The following TRPV4 variants were observed in gnomAD, a reference collection of about 807,000 sequenced individuals.
TRPV4 encodes the protein transient receptor potential cation channel subfamily V member 4, also known as OSM9-like transient receptor potential channel 4.
A neutral mutation model predicts 84.1 loss-of-function variants in TRPV4; 58 were observed. That is an observed-to-expected ratio of 0.69 (90% CI 0.56 to 0.86). The LOEUF (loss-of-function observed/expected upper bound fraction) is 0.86, where lower values mean the gene tolerates loss of function less well. Among genes scored for constraint, TRPV4 ranks in the 40% least tolerant of loss-of-function variants. The pLI is 0.00. For synonymous variants in TRPV4, 489 were observed against 500.9 expected (o/e 0.98, Z 0.32); for missense variants, 879 against 1,181.1 (o/e 0.74, Z 3.75).
In TRPV4 at chr12:109,802,993, C is replaced by A. The variant is rs1289139464; in HGVS notation, c.710G>T (p.Arg237Leu). 6.2e-7 allele frequency: 1 copy of A among 1,613,884 alleles called. No individual in the cohort carries two copies. The highest frequency in any genetic ancestry group is 1.1e-5 in the South Asian group (1 of 91,082). Residue 237 changes from arginine to leucine, a missense_variant and splice_region_variant, in exon 4 of 16, where the codon CGA becomes CTA. Transcript: ENST00000261740. ...INSPFRDIYYRGQTALHIAIE... is the reference protein window; with the variant it reads ...INSPFRDIYYLGQTALHIAIE... ...CCCTGCCCAGCCCGGGGCCCCACCT[C>A]GATAGTAGATGTCACGGAAGGGCGA...
chr12:109,827,176 C>A (rs1892273917), intron 1 of TRPV4, among the ~76,000 whole-genome samples: 1 of 152,170 alleles, frequency 6.6e-6, no homozygotes, highest in Admixed American at 6.5e-5. Flanking sequence ...TTACGGAGCA[C>A]CTGCTATGTG....
intron 13 of TRPV4, among the ~76,000 whole-genome samples, chr12:109,787,737 A>G (rs1889776443): frequency 6.6e-6 from 1 of 152,006 alleles, no homozygotes; most frequent in African/African-American, 2.4e-5. Flanking sequence ...TCACTGCACC[A>G]TTTTCCTGAA....
In TRPV4 at chr12:109,793,460, G is replaced by A. The variant is rs1890166971; in HGVS notation, c.1658+67C>T. The A allele has an allele frequency of 1.5e-6, 2 of 1,357,906 alleles. No homozygotes were observed. Among genetic ancestry groups the A allele is most frequent in the African/African-American group, 1.4e-5 (1 of 69,672 alleles). The allele number at this position is 1,357,906 out of a possible 1,614,324, so 84.1% of individuals were successfully genotyped here. ...ACAGAATCACCTCTCTCCTGAATCT[G>A]GACGACCTAGCAGCCCAAACCCACC... On this transcript the variant is annotated intron_variant, in intron 10 of 15. Coordinates refer to ENST00000261740, the MANE Select transcript of TRPV4 (RefSeq NM_021625.5). The surrounding 1 kb of genome is among the most constrained non-coding windows in gnomAD (Gnocchi z 4.0).
chr12:109,783,431 G>A lies in TRPV4; in HGVS notation c.*190C>T, dbSNP rs141636597. ...CTCCATAGGAGCAAGACAGGTGGCC[G>A]GGAGCCCCCACCCCAGGGTGGGGAG... On this transcript the variant is annotated 3_prime_UTR_variant, in exon 16 of 16. Transcript: ENST00000261740. This position sits in a 1 kb window ranked among gnomAD's most constrained non-coding sequence, Gnocchi z 4.6. The A allele has an allele frequency of 6.0e-4, 418 of 692,592 alleles. 1 individual carries two copies. Among genetic ancestry groups the A allele is most frequent in the Admixed American group, 1.8e-3 (59 of 32,510 alleles). 42.9% of individuals were successfully genotyped at this position (692,592 alleles called of 1,614,324 possible).
chr12:109,789,392 C>T (rs576628331), intron 12 of TRPV4, among the ~76,000 whole-genome samples: 48 of 152,232 alleles, frequency 3.2e-4, no homozygotes, highest in African/African-American at 1.1e-3. Context: ...GTCTTGGGGG[C>T]TCTGGAATGC....
At chr12:109,827,996 C>T (rs1284036350) in intron 1 of TRPV4, among the ~76,000 whole-genome samples, 1 of 152,226 alleles carries the variant, frequency 6.6e-6, no homozygotes, top group African/African-American at 2.4e-5. Flanking sequence ...CTCGGTCAAC[C>T]GGGTGGAACC....
chr12:109,816,311 G>C (rs1440857751), intron 1 of TRPV4, among the ~76,000 whole-genome samples: 1 of 152,120 alleles, frequency 6.6e-6, no homozygotes, highest in East Asian at 1.9e-4. Flanking sequence ...TCAGGCCTGG[G>C]TTCTAATCCC....
In TRPV4 at chr12:109,796,107, A is replaced by G. The variant is rs1407655602; in HGVS notation, c.1332+418T>C. Reference sequence around the variant, plus strand: ...TCATATAACAACCATGAGTAGTAAAAGCTGACATAATGTTTACTCTGTGCC... The same window carrying G: ...TCATATAACAACCATGAGTAGTAAAGGCTGACATAATGTTTACTCTGTGCC... On this transcript the variant is annotated intron_variant, in intron 7 of 15. Transcript: ENST00000261740. This position sits in a 1 kb window ranked among gnomAD's most constrained non-coding sequence, Gnocchi z 4.2. Among the ~76,000 whole-genome samples the G allele has an allele frequency of 1.3e-5, 2 of 152,102 alleles. No homozygotes were observed. Among genetic ancestry groups the G allele is most frequent in the Non-Finnish European group, 2.9e-5 (2 of 68,006 alleles).
At chr12:109,800,004 G>T (rs1382334479) in intron 5 of TRPV4, among the ~76,000 whole-genome samples, 1 of 151,934 alleles carries the variant, frequency 6.6e-6, no homozygotes, top group Non-Finnish European at 1.5e-5. Context: ...GTGCAATGGG[G>T]AAATCTCGGC....
chr12:109,802,051 G>T (rs1353637836), intron 4 of TRPV4, among the ~76,000 whole-genome samples: 1 of 151,766 alleles, frequency 6.6e-6, no homozygotes, highest in Non-Finnish European at 1.5e-5. Flanking sequence ...GAGCCTTAGA[G>T]TATCCGCCAC....
chr12:109,792,234 A>T, intron 12 of TRPV4, 129 bp downstream of exon 12: 2 of 794,406 alleles, frequency 2.5e-6, no homozygotes, highest in Non-Finnish European at 3.9e-6. Flanking sequence ...CAGGAGCAAA[A>T]CTCCACCTCA....
At chr12:109,805,317 C>A (rs1258439046) in intron 3 of TRPV4, among the ~76,000 whole-genome samples, 2 of 152,142 alleles carry the variant, frequency 1.3e-5, no homozygotes, top group African/African-American at 4.8e-5. Flanking sequence ...ATAGGTGACC[C>A]AAAGTGGAAC....
At chr12:109,788,851 T>C in intron 12 of TRPV4, 135 bp from the exon 13 acceptor site, 3 of 995,226 alleles carry the variant, frequency 3.0e-6, no homozygotes, top group Non-Finnish European at 4.5e-6. Flanking sequence ...CTGACCCATG[T>C]CACCCTACAC....
intron 1 of TRPV4, among the ~76,000 whole-genome samples, chr12:109,827,812 A>G (rs1892307267): frequency 6.6e-6 from 1 of 151,722 alleles, no homozygotes; most frequent in African/African-American, 2.4e-5. Context: ...TCATACATAT[A>G]CACACATACA....
intron 2 of TRPV4, among the ~76,000 whole-genome samples, chr12:109,810,821 G>A (rs1288332573): frequency 6.6e-6 from 1 of 152,142 alleles, no homozygotes; most frequent in Non-Finnish European, 1.5e-5. Flanking sequence ...ACTTCCTGGG[G>A]TAGGGGTGGG....
intron 1 of TRPV4, among the ~76,000 whole-genome samples, chr12:109,816,219 A>G (rs778763467): frequency 1.1e-4 from 17 of 152,202 alleles, no homozygotes; most frequent in Non-Finnish European, 1.6e-4. Context: ...GCGCAGCAGG[A>G]CACAGAGGGT....
Position 109,796,783 on chromosome 12 carries a change from C to T in TRPV4, c.1153-79G>A. ...CTGGGCCCAGCTCAGCACATGACGC[C>T]TCCCCAGAAAACAGCTAAGCACCGG... On this transcript the variant is annotated intron_variant, in intron 6 of 15. Transcript: ENST00000261740. The surrounding 1 kb of genome is among the most constrained non-coding windows in gnomAD (Gnocchi z 4.2). 1 of 1,465,836 alleles carries T rather than the reference C, an allele frequency of 6.8e-7. No individual in the cohort carries two copies. The highest frequency in any genetic ancestry group is 2.1e-5 in the Admixed American group (1 of 47,206). The allele number at this position is 1,465,836 out of a possible 1,614,324, so 90.8% of individuals were successfully genotyped here.
At chr12:109,787,198 C>G (rs1350287894) in intron 13 of TRPV4, among the ~76,000 whole-genome samples, 2 of 152,208 alleles carry the variant, frequency 1.3e-5, no homozygotes, top group African/African-American at 4.8e-5. Context: ...AATCCGGACC[C>G]TGCACTGCCT....
chr12:109,788,712 C>A lies in TRPV4; in HGVS notation c.1896G>T (p.Leu632=). Residue 632 remains leucine, a synonymous_variant, in exon 13 of 16, where the codon CTG becomes CTT. Transcript: ENST00000261740. ...LLFMIGYASA[L]VSLLNPCANM... ...TGGCACACGGGTTCAGGAGGGAGACCAGGGCTGTGGGAGGATAGGGGTGGC... is the reference window on the plus strand; with the variant it reads ...TGGCACACGGGTTCAGGAGGGAGACAAGGGCTGTGGGAGGATAGGGGTGGC... The A allele has an allele frequency of 1.2e-6, 2 of 1,614,044 alleles. No homozygotes were observed. Among genetic ancestry groups the A allele is most frequent in the African/African-American group, 1.3e-5 (1 of 75,040 alleles).
Sources: gnomAD v4.1 joint callset for allele counts (sites outside exome capture counted in the v4.1 genomes callset) on GRCh38, gnomAD v4.1.1 for gene constraint, Gnocchi (gnomAD v3.1) non-coding constraint, MANE v1.5 for transcripts, NCBI Gene and HGNC (gene_info 2026-07-23, HGNC 2026-07-21) for gene names.